The following PCDHA3 variants were observed in gnomAD, a reference collection of about 807,000 sequenced individuals.
The protein encoded by PCDHA3 is protocadherin alpha-3.
A neutral mutation model predicts 62.2 loss-of-function variants in PCDHA3; 41 were observed. That is an observed-to-expected ratio of 0.66 (90% confidence interval 0.51 to 0.86). The LOEUF (loss-of-function observed/expected upper bound fraction) is 0.86, where lower values mean the gene tolerates loss of function less well. Ranked by LOEUF, PCDHA3 falls within the 40% of genes least tolerant of loss-of-function variation. The probability of loss-of-function intolerance (pLI) is 0.00; values close to 1 mark genes in which losing one functional copy is unlikely to be tolerated. For synonymous variants in PCDHA3, 640 were observed against 555.4 expected (o/e 1.15, Z -2.14); for missense variants, 1,304 against 1,241.2 (o/e 1.05, Z -0.76).
chr5:141,007,037 T>C (rs1413139986), intron 3 of PCDHA3, among the ~76,000 whole-genome samples: 1 of 152,170 alleles, frequency 6.6e-6, no homozygotes, highest in Non-Finnish European at 1.5e-5. Flanking sequence ...TTTATATCTA[T>C]GGATATGGCT....
rs1481348508 is a variant in PCDHA3, at chr5:140,803,353, C to G, written c.2156C>G (p.Thr719Ser). 6.2e-7 allele frequency: 1 copy of G among 1,614,198 alleles called. No individual in the cohort carries two copies. Among genetic ancestry groups the G allele is most frequent in the Non-Finnish European group, 8.5e-7 (1 of 1,180,016 alleles). Residue 719 changes from threonine to serine, a missense_variant, in exon 1 of 4, where the codon ACT (threonine) becomes AGT (serine). Physicochemically the swap from Thr to Ser is moderately conservative, Grantham distance 58. Transcript: ENST00000522353. ...TTGGTGCTCACACTGCTGCTATATACTGCTCTGCGGTGCTCCGCGCCGCCA... is the reference window on the plus strand; with the variant it reads ...TTGGTGCTCACACTGCTGCTATATAGTGCTCTGCGGTGCTCCGCGCCGCCA... ...SLLVLTLLLY[T>S]ALRCSAPPTE...
chr5:140,918,032 A>G (rs528006913), intron 1 of PCDHA3, among the ~76,000 whole-genome samples: 2 of 152,224 alleles, frequency 1.3e-5, no homozygotes, highest in East Asian at 1.9e-4. Context: ...TGAGCGTGGA[A>G]GGTCTTTCCA....
intron 1 of PCDHA3, chr5:140,822,382 G>A (rs2150115866): frequency 6.2e-7 from 1 of 1,614,100 alleles, no homozygotes; most frequent in South Asian, 1.1e-5. Flanking sequence ...AGATAGAGAA[G>A]AAACACAAGA....
chr5:140,869,997 T>C (rs782075585), intron 1 of PCDHA3: 23 of 1,613,172 alleles, frequency 1.4e-5, no homozygotes, highest in Non-Finnish European at 2.5e-6. Context: ...ATCAAAATAA[T>C]GGAGAAGTGA....
intron 1 of PCDHA3, chr5:140,850,802 C>T: frequency 6.3e-7 from 1 of 1,598,420 alleles, no homozygotes; most frequent in Non-Finnish European, 8.6e-7. Flanking sequence ...AGACCGACCT[C>T]ATGGCCTTCA....
intron 1 of PCDHA3, chr5:140,842,893 C>T: frequency 6.3e-7 from 1 of 1,594,312 alleles, no homozygotes; most frequent in Non-Finnish European, 8.6e-7. Context: ...AGCCGCTGGA[C>T]CACGAGGAGC....
chr5:140,871,452 G>C, intron 1 of PCDHA3: 1 of 1,608,608 alleles, frequency 6.2e-7, no homozygotes, highest in Non-Finnish European at 8.5e-7. Context: ...ATAAAGAGGA[G>C]GAAGGGGAAA....
At chr5:140,921,101 C>A (rs1331761775) in intron 1 of PCDHA3, among the ~76,000 whole-genome samples, 1 of 152,002 alleles carries the variant, frequency 6.6e-6, no homozygotes, top group Non-Finnish European at 1.5e-5. Context: ...CTGCCTCAGT[C>A]TCCTAAGTAG....
intron 1 of PCDHA3, among the ~76,000 whole-genome samples, chr5:140,818,603 A>G (rs1766396825): frequency 6.6e-6 from 1 of 152,166 alleles, no homozygotes; most frequent in African/African-American, 2.4e-5. Flanking sequence ...TGTGTGGGCC[A>G]TGACAGGAGG....
intron 1 of PCDHA3, chr5:140,842,724 A>G (rs2150343018): frequency 6.3e-7 from 1 of 1,594,394 alleles, no homozygotes; most frequent in Admixed American, 1.7e-5. Flanking sequence ...AAGGAGAACA[A>G]CCCGCCGGGC....
chr5:140,870,263 C>T (rs1581940012), intron 1 of PCDHA3: 2 of 1,614,182 alleles, frequency 1.2e-6, no homozygotes, highest in East Asian at 4.5e-5. Flanking sequence ...GTGACCTGCT[C>T]GCTGACGCCC....
intron 1 of PCDHA3, among the ~76,000 whole-genome samples, chr5:140,894,786 C>T (rs990092948): frequency 6.6e-6 from 1 of 151,576 alleles, no homozygotes; most frequent in Non-Finnish European, 1.5e-5. Flanking sequence ...AATTATTTGT[C>T]CTCTCCTTTA....
At chr5:140,827,540 TAA>T (rs2150148064) in intron 1 of PCDHA3, among the ~76,000 whole-genome samples, 8,865 of 152,224 alleles carry the variant, frequency 0.058, 846 homozygotes, top group African/African-American at 0.2. Context: ...TTGATAATTT[TAA>T]GTTACATTTT....
At chr5:140,935,363 C>T (rs1005942314) in intron 1 of PCDHA3, among the ~76,000 whole-genome samples, 3 of 152,180 alleles carry the variant, frequency 2.0e-5, no homozygotes, top group African/African-American at 7.2e-5. Flanking sequence ...TTTTCATTAA[C>T]GTCAACAGAA....
At chr5:140,926,573 A>C in intron 1 of PCDHA3, 2 of 265,974 alleles carry the variant, frequency 7.5e-6, no homozygotes. Context: ...TACTGGAGAC[A>C]GCACCTCTCG....
chr5:140,907,272 C>T (rs1164055585), intron 1 of PCDHA3, among the ~76,000 whole-genome samples: 1 of 152,224 alleles, frequency 6.6e-6, no homozygotes, highest in Non-Finnish European at 1.5e-5. Flanking sequence ...GCCATTCCAT[C>T]ATTCTATCAA....
intron 1 of PCDHA3, chr5:140,849,896 CA>C: frequency 6.3e-7 from 1 of 1,598,590 alleles, no homozygotes; most frequent in Non-Finnish European, 8.6e-7. Context: ...TGAAGGAGAA[CA>C]ACCCGCCGGG....
intron 1 of PCDHA3, among the ~76,000 whole-genome samples, chr5:140,932,493 T>A (rs148938081): frequency 6.6e-6 from 1 of 152,006 alleles, no homozygotes; most frequent in East Asian, 1.9e-4. Context: ...CTTTGCAATG[T>A]CATTTGTTAA....
At position 140,994,426 on chromosome 5, in the gene PCDHA3, G is replaced by A. The variant is rs994056098; in HGVS notation, c.2542+11863G>A. Among the ~76,000 whole-genome samples the A allele has an allele frequency of 3.9e-5, 6 of 152,110 alleles. No homozygotes were observed. In the East Asian group the frequency reaches 1.2e-3, roughly 29 times the overall value. ...CATTTAATACTGGATATTGAGGCCG[G>A]GCGCAGTGGCTCACACCTGTGATCC... On this transcript the variant is annotated intron_variant, in intron 3 of 3. Coordinates refer to ENST00000522353, the MANE Select transcript of PCDHA3 (RefSeq NM_018906.3).
Sources: gnomAD v4.1 joint callset for allele counts (sites outside exome capture counted in the v4.1 genomes callset) on GRCh38, gnomAD v4.1.1 for gene constraint, MANE v1.5 for transcripts, NCBI Gene and HGNC (gene_info 2026-07-23, HGNC 2026-07-21) for gene names.